The following CCDC102B variants were observed in gnomAD, a reference collection of about 807,000 sequenced individuals.
The protein encoded by CCDC102B is coiled-coil domain containing 102B, also known as coiled-coil domain-containing protein 102B.
In CCDC102B, 75 loss-of-function variants were observed where a neutral mutation model predicts 57.4. That is an observed-to-expected ratio of 1.31 (90% CI 1.08 to 1.58). CCDC102B has a LOEUF of 1.58. CCDC102B is among the 40% of genes most tolerant of loss of function. The probability of loss-of-function intolerance (pLI) is 0.00; values close to 1 mark genes in which losing one functional copy is unlikely to be tolerated. For missense variants in CCDC102B, 636 were observed against 582.6 expected (o/e 1.09, Z -0.94); for synonymous variants, 206 against 201.9 (o/e 1.02, Z -0.17).
At chr18:69,043,477 AC>A (rs2052483629) in intron 7 of CCDC102B, among the ~76,000 whole-genome samples, 1 of 151,838 alleles carries the variant, frequency 6.6e-6, no homozygotes, top group African/African-American at 2.4e-5. Flanking sequence ...ATGGGGAGAA[AC>A]CTTGGACAAT....
intron 2 of CCDC102B, among the ~76,000 whole-genome samples, chr18:68,745,170 G>A (rs1330579947): frequency 2.6e-5 from 4 of 152,122 alleles, no homozygotes; most frequent in African/African-American, 9.6e-5. Context: ...AGAAGAAGTG[G>A]GGTGTGCTTG....
At chr18:69,036,498 A>T (rs2052295941) in intron 7 of CCDC102B, among the ~76,000 whole-genome samples, 1 of 152,114 alleles carries the variant, frequency 6.6e-6, no homozygotes, top group Non-Finnish European at 1.5e-5. Context: ...GCATACCTAA[A>T]CTTTAGGAAA....
intron 7 of CCDC102B, among the ~76,000 whole-genome samples, chr18:69,040,006 A>ACTAG (rs1287434373): frequency 2.0e-5 from 3 of 152,050 alleles, no homozygotes; most frequent in East Asian, 1.9e-4. Context: ...TATTGCTTAG[A>ACTAG]CTAAATTTTC....
chr18:68,753,171 G>A (rs1335783519), intron 2 of CCDC102B: 1 of 152,084 alleles, frequency 6.6e-6, no homozygotes, highest in East Asian at 1.9e-4. Flanking sequence ...AATGGGGAAT[G>A]CAAATAATTT....
intron 6 of CCDC102B, among the ~76,000 whole-genome samples, chr18:68,911,723 G>T (rs2040873349): frequency 8.8e-6 from 1 of 113,474 alleles, no homozygotes; most frequent in African/African-American, 3.8e-5. Flanking sequence ...CTGCACTCCA[G>T]CCTGGGCGAC....
intron 1 of CCDC102B, among the ~76,000 whole-genome samples, chr18:68,806,208 AATT>A (rs1235823492): frequency 6.6e-6 from 1 of 152,152 alleles, no homozygotes; most frequent in African/African-American, 2.4e-5. Context: ...TAAAATTAAT[AATT>A]ATTTTTTCCC....
intron 6 of CCDC102B, among the ~76,000 whole-genome samples, chr18:68,963,797 G>A (rs950402507): frequency 2.0e-5 from 3 of 151,552 alleles, no homozygotes; most frequent in African/African-American, 7.3e-5. Context: ...CTATGTATAT[G>A]TGTATATATG....
intron 6 of CCDC102B, among the ~76,000 whole-genome samples, chr18:68,997,353 T>C (rs2051058121): frequency 6.6e-6 from 1 of 152,226 alleles, no homozygotes; most frequent in Non-Finnish European, 1.5e-5. Flanking sequence ...GTACATATTG[T>C]ATCTATTTCC....
chr18:68,734,348 G>T (rs74904715), intron 2 of CCDC102B, among the ~76,000 whole-genome samples: 1 of 152,188 alleles, frequency 6.6e-6, no homozygotes, highest in Non-Finnish European at 1.5e-5. Context: ...AGCGTTAGGG[G>T]TGTAGAGATT....
chr18:68,738,647 G>A (rs1250957449), intron 2 of CCDC102B, among the ~76,000 whole-genome samples: 4 of 152,278 alleles, frequency 2.6e-5, no homozygotes, highest in African/African-American at 7.2e-5. Context: ...CATAAGCACC[G>A]GGATGACTGT....
chr18:68,866,700 G>T, intron 4 of CCDC102B: 1 of 491,128 alleles, frequency 2.0e-6, no homozygotes, highest in Non-Finnish European at 4.0e-6. Context: ...CTACAGTTTG[G>T]CCTCTTCTCA....
At chr18:68,932,477 A>C (rs923907794) in intron 6 of CCDC102B, among the ~76,000 whole-genome samples, 1 of 151,922 alleles carries the variant, frequency 6.6e-6, no homozygotes, top group African/African-American at 2.4e-5. Flanking sequence ...TTATGTTGAT[A>C]AAGATCATAG....
At chr18:68,842,302 A>C (rs912503339) in intron 3 of CCDC102B, among the ~76,000 whole-genome samples, 1 of 151,802 alleles carries the variant, frequency 6.6e-6, no homozygotes, top group Non-Finnish European at 1.5e-5. Flanking sequence ...TATTTAATGT[A>C]ATATTTGTAA....
intron 6 of CCDC102B, among the ~76,000 whole-genome samples, chr18:68,999,367 C>T (rs138684170): frequency 2.0e-5 from 3 of 150,688 alleles, no homozygotes; most frequent in Non-Finnish European, 4.4e-5. Flanking sequence ...GAGGCTGAGG[C>T]GGATGGATCA....
chr18:68,934,165 T>G (rs1345855497), intron 6 of CCDC102B, among the ~76,000 whole-genome samples: 1 of 151,976 alleles, frequency 6.6e-6, no homozygotes, highest in Admixed American at 6.6e-5. Flanking sequence ...AATTTCTTAG[T>G]GTAGTAGCAA....
Position 68,785,104 on chromosome 18 carries a change from C to T in CCDC102B, c.-66-38262C>T, listed in dbSNP as rs190949244. On this transcript the variant is annotated intron_variant, in intron 2 of 3. Coordinates refer to the CCDC102B transcript ENST00000578970. ...TTGGTTTTTTGTTCTTGCGATAGTT[C>T]ACTGAGAATGATGACTTCCAATTTC... 2.4e-4 allele frequency among the ~76,000 whole-genome samples: 36 copies of T among 151,552 alleles called. 2 individuals carry two copies. In the East Asian group the frequency reaches 5.1e-3, roughly 21 times the overall value.
At chr18:68,733,619 A>G (rs2032997432) in intron 2 of CCDC102B, among the ~76,000 whole-genome samples, 2 of 151,550 alleles carry the variant, frequency 1.3e-5, no homozygotes, top group African/African-American at 4.8e-5. Context: ...CCTTATATCA[A>G]TCAACCTCAC....
intron 4 of CCDC102B, among the ~76,000 whole-genome samples, chr18:68,869,124 G>T (rs966347349): frequency 6.6e-6 from 1 of 152,144 alleles, no homozygotes; most frequent in African/African-American, 2.4e-5. Flanking sequence ...CAGTGAATTT[G>T]GTTCTGAATA....
chr18:68,904,899 GT>G (rs2040572233), intron 6 of CCDC102B, among the ~76,000 whole-genome samples: 1 of 152,066 alleles, frequency 6.6e-6, no homozygotes, highest in Non-Finnish European at 1.5e-5. Context: ...TCACTGCTAT[GT>G]TTTGCTAAAA....
Sources: gnomAD v4.1 joint callset for allele counts (sites outside exome capture counted in the v4.1 genomes callset) on GRCh38, gnomAD v4.1.1 for gene constraint, MANE v1.5 for transcripts, NCBI Gene and HGNC (gene_info 2026-07-23, HGNC 2026-07-21) for gene names.